NFIB: variants seen among roughly 807,000 people sequenced by gnomAD.
NFIB encodes the protein nuclear factor I B, also known as nuclear factor 1 B-type.
A neutral mutation model predicts 61.5 loss-of-function variants in NFIB; 11 were observed. The observed-to-expected ratio is 0.18, with a 90% CI of 0.11 to 0.30. The LOEUF (loss-of-function observed/expected upper bound fraction) is 0.30, where lower values mean the gene tolerates loss of function less well. Among genes scored for constraint, NFIB ranks in the 10% least tolerant of loss-of-function variants. The probability of loss-of-function intolerance (pLI) is 1.00; values close to 1 mark genes in which losing one functional copy is unlikely to be tolerated. For missense variants in NFIB, 471 were observed against 608.9 expected (o/e 0.77, Z 2.38); for synonymous variants, 260 against 216.5 (o/e 1.20, Z -1.76).
chr9:14,090,086 T>C (rs2033630156), intron 10 of NFIB, among the ~76,000 whole-genome samples: 1 of 152,112 alleles, frequency 6.6e-6, no homozygotes, highest in Admixed American at 6.6e-5. Context: ...AGCTATATAT[T>C]TTCAAAAGCT....
At chr9:14,209,817 A>C (rs558082106) in intron 2 of NFIB, among the ~76,000 whole-genome samples, 1 of 152,248 alleles carries the variant, frequency 6.6e-6, no homozygotes, top group African/African-American at 2.4e-5. Flanking sequence ...CCTCTGGGTA[A>C]ACTTGCCCAC....
chr9:14,434,207 G>T, the NFIB span, among the ~76,000 whole-genome samples: 140 of 152,268 alleles, frequency 9.2e-4, 1 homozygote, highest in African/African-American at 3.2e-3. Flanking sequence ...ATTGTCTTCT[G>T]GGCTGATTGG....
intron 1 of NFIB, among the ~76,000 whole-genome samples, chr9:14,346,716 T>C (rs1007126086): frequency 6.6e-6 from 1 of 152,146 alleles, no homozygotes; most frequent in African/African-American, 2.4e-5. Flanking sequence ...GGCCACAAAT[T>C]AACTAGCTTG....
At chr9:14,215,129 A>ATTAATAAAAGCTCATTAATAAAAAG (rs1563909523) in intron 2 of NFIB, among the ~76,000 whole-genome samples, 1 of 151,252 alleles carries the variant, frequency 6.6e-6, no homozygotes, top group African/African-American at 2.5e-5. Context: ...TGTCAAGCTC[A>ATTAATAAAAGCTCATTAATAAAAAG]ACAATTGGGT....
intron 2 of NFIB, among the ~76,000 whole-genome samples, chr9:14,207,758 C>T (rs967712334): frequency 7.9e-5 from 12 of 152,194 alleles, no homozygotes; most frequent in Non-Finnish European, 1.3e-4. Flanking sequence ...AATGTTACTA[C>T]GGTCTTGGCT....
At chr9:14,438,202 T>C in the NFIB span, among the ~76,000 whole-genome samples, 1 of 152,126 alleles carries the variant, frequency 6.6e-6, no homozygotes, top group African/African-American at 2.4e-5. Flanking sequence ...CACACACTCA[T>C]GGAAATAAAT....
intron 2 of NFIB, among the ~76,000 whole-genome samples, chr9:14,260,898 A>G (rs946208399): frequency 1.3e-5 from 2 of 151,754 alleles, no homozygotes; most frequent in Non-Finnish European, 2.9e-5. Context: ...AGGTAGCCAC[A>G]TCATTGGTTC....
At chr9:14,102,529 C>T in intron 10 of NFIB, 1 of 1,548,426 alleles carries the variant, frequency 6.5e-7, no homozygotes, top group Non-Finnish European at 8.7e-7. Flanking sequence ...TGAAACCTAG[C>T]AGTCAGATAT....
chr9:14,146,338 C>T (rs191191391), intron 6 of NFIB, among the ~76,000 whole-genome samples: 2 of 152,222 alleles, frequency 1.3e-5, no homozygotes, highest in Admixed American at 6.5e-5. Flanking sequence ...CTCCCTGCAA[C>T]GCTCCATAGA....
the NFIB span, among the ~76,000 whole-genome samples, chr9:14,460,901 G>C: frequency 2.0e-5 from 3 of 151,814 alleles, no homozygotes; most frequent in African/African-American, 7.3e-5. Flanking sequence ...TCCCTATCTT[G>C]TTCCATTTAT....
Position 14,249,668 on chromosome 9 carries a change from G to A in NFIB, c.562+57321C>T, listed in dbSNP as rs1001537494. On this transcript the variant is annotated intron_variant, in intron 2 of 10. Transcript: ENST00000380953. ...AGTACTGTAAAAAAATAGAAAGGAA[G>A]GAAGAGAGAGAGGGAGGGAGGGGAG... 2.6e-5 allele frequency among the ~76,000 whole-genome samples: 4 copies of A among 151,612 alleles called. No individual in the cohort carries two copies. The East Asian group carries it at 7.8e-4, about 29-fold the overall frequency.
At chr9:14,443,182 C>T in the NFIB span, among the ~76,000 whole-genome samples, 4 of 152,056 alleles carry the variant, frequency 2.6e-5, no homozygotes, top group South Asian at 6.2e-4. Context: ...GGTGATCAGT[C>T]GGGCAGTGCC....
chr9:14,449,706 G>A, the NFIB span, among the ~76,000 whole-genome samples: 7 of 152,010 alleles, frequency 4.6e-5, no homozygotes, highest in Non-Finnish European at 5.9e-5. Flanking sequence ...GAGGCGGGTG[G>A]ATCACCTGAG....
At chr9:14,107,344 T>C (rs892560290) in intron 10 of NFIB, among the ~76,000 whole-genome samples, 1 of 151,630 alleles carries the variant, frequency 6.6e-6, no homozygotes, top group Non-Finnish European at 1.5e-5. Flanking sequence ...AAAAAAAAGA[T>C]ACTCAAGATC....
intron 1 of NFIB, among the ~76,000 whole-genome samples, chr9:14,374,374 A>G (rs1411963352): frequency 1.3e-5 from 2 of 152,172 alleles, no homozygotes; most frequent in African/African-American, 4.8e-5. Context: ...CCACATGGAA[A>G]ATAAGTGAGA....
At chr9:14,306,008 G>T in intron 2 of NFIB, 9 of 1,246,818 alleles carry the variant, frequency 7.2e-6, no homozygotes, top group Non-Finnish European at 9.7e-6. Flanking sequence ...TTGAAGAAAA[G>T]AAATTCTTAC....
chr9:14,224,908 C>T (rs1416980622), intron 2 of NFIB, among the ~76,000 whole-genome samples: 1 of 152,110 alleles, frequency 6.6e-6, no homozygotes, highest in African/African-American at 2.4e-5. Flanking sequence ...AACCTGTTGG[C>T]TTTTTTACCT....
At chr9:14,400,641 A>C (rs2061733831), upstream of NFIB, among the ~76,000 whole-genome samples, 1 of 152,208 alleles carries the variant, frequency 6.6e-6, no homozygotes, top group South Asian at 2.1e-4. Flanking sequence ...CTATTGAATA[A>C]TGCAAATATT....
At chr9:14,197,854 G>C (rs961169621) in intron 2 of NFIB, among the ~76,000 whole-genome samples, 3 of 152,152 alleles carry the variant, frequency 2.0e-5, no homozygotes, top group Admixed American at 6.5e-5. Context: ...ACAAAACAAT[G>C]ACGAAAAGGT....
Sources: allele counts gnomAD v4.1 joint callset (sites outside exome capture counted in the v4.1 genomes callset), GRCh38; gene constraint gnomAD v4.1.1; transcripts MANE v1.5; gene names NCBI Gene and HGNC (gene_info 2026-07-23, HGNC 2026-07-21).